Variants in ITPR1 observed in about 807,000 individuals in gnomAD.
ITPR1 encodes the protein inositol 1,4,5-trisphosphate receptor type 1, also known as inositol 1,4,5-trisphosphate-gated calcium channel ITPR1.
A neutral mutation model predicts 318.4 loss-of-function variants in ITPR1; 96 were observed. The observed-to-expected ratio is 0.30, with a 90% CI of 0.26 to 0.36. The LOEUF (loss-of-function observed/expected upper bound fraction) is 0.36. Among genes scored for constraint, ITPR1 ranks in the 10% least tolerant of loss-of-function variants. The pLI is 1.00. For synonymous variants in ITPR1, 1,312 were observed against 1,289.9 expected, an observed-to-expected ratio of 1.02 and a Z score of -0.37; for missense variants, 2,440 against 3,460.2, an observed-to-expected ratio of 0.71 and a Z score of 7.40.
intron 4 of ITPR1, among the ~76,000 whole-genome samples, chr3:4,533,884 C>T (rs1015841757): frequency 6.6e-6 from 1 of 152,190 alleles, no homozygotes; most frequent in African/African-American, 2.4e-5. Flanking sequence ...CAAGCCTAGC[C>T]AGAGAGGAAG....
chr3:4,716,587 C>T (rs140379607), intron 39 of ITPR1, among the ~76,000 whole-genome samples: 1,540 of 152,318 alleles, frequency 0.01, 16 homozygotes, highest in Admixed American at 0.023. Flanking sequence ...ACCAAAGCGT[C>T]TTTGCTCCAG....
At chr3:4,755,304 C>A (rs1206288365) in intron 44 of ITPR1, among the ~76,000 whole-genome samples, 1 of 151,804 alleles carries the variant, frequency 6.6e-6, no homozygotes, top group Non-Finnish European at 1.5e-5. Flanking sequence ...GCAGAGCTTT[C>A]CCAGTAAGTC....
chr3:4,681,249 C>A, intron 25 of ITPR1, 115 bp from the exon 26 acceptor site: 2 of 714,746 alleles, frequency 2.8e-6, no homozygotes, highest in Admixed American at 2.1e-5. Flanking sequence ...ATATAATGTT[C>A]TGGGAGATTT....
At chr3:4,714,549 G>T (rs549030758) in intron 39 of ITPR1, among the ~76,000 whole-genome samples, 51 of 152,312 alleles carry the variant, frequency 3.3e-4, no homozygotes, top group African/African-American at 1.1e-3. Context: ...CCGAGGTCAC[G>T]TGTGAAGTCT....
At chr3:4,633,911 A>G (rs2093095726) in intron 5 of ITPR1, among the ~76,000 whole-genome samples, 1 of 152,224 alleles carries the variant, frequency 6.6e-6, no homozygotes, top group African/African-American at 2.4e-5. Flanking sequence ...ATCGCATTAC[A>G]TGATTCAGAG....
chr3:4,624,458 C>T (rs1487533773), intron 4 of ITPR1, among the ~76,000 whole-genome samples: 1 of 152,058 alleles, frequency 6.6e-6, no homozygotes, highest in Non-Finnish European at 1.5e-5. Context: ...CACTTGAGGT[C>T]AGGAGTTCGA....
intron 34 of ITPR1, 63 bp downstream of exon 34, chr3:4,697,335 T>TGTGC: frequency 1.4e-6 from 2 of 1,398,364 alleles, no homozygotes; most frequent in Non-Finnish European, 9.7e-7. Flanking sequence ...TGTGTGTGTG[T>TGTGC]GTGTGTGTGT....
chr3:4,725,648 T>C, intron 41 of ITPR1, 67 bp downstream of exon 41: 3 of 1,383,612 alleles, frequency 2.2e-6, no homozygotes, highest in African/African-American at 1.4e-5. Context: ...GTTGTCCTGG[T>C]TGGGTGTCTG....
chr3:4,526,200 C>T (rs1450991434), intron 4 of ITPR1, among the ~76,000 whole-genome samples: 1 of 152,110 alleles, frequency 6.6e-6, no homozygotes, highest in Non-Finnish European at 1.5e-5. Context: ...CAGGGAGCCC[C>T]TTAGTTTCAG....
intron 54 of ITPR1, 132 bp downstream of exon 54, chr3:4,800,732 C>G: frequency 1.1e-6 from 1 of 932,768 alleles, no homozygotes; most frequent in East Asian, 2.5e-5. Context: ...GTTTAAATAG[C>G]CAGAAGCAGG....
At chr3:4,608,084 A>G (rs1490991988) in intron 4 of ITPR1, among the ~76,000 whole-genome samples, 2 of 152,156 alleles carry the variant, frequency 1.3e-5, no homozygotes, top group African/African-American at 4.8e-5. Flanking sequence ...AGAAACAGTT[A>G]AGGGCAGTTT....
At chr3:4,834,570 C>T (rs1448756763) in intron 60 of ITPR1, among the ~76,000 whole-genome samples, 1 of 152,158 alleles carries the variant, frequency 6.6e-6, no homozygotes, top group Non-Finnish European at 1.5e-5. Flanking sequence ...CACCAGTGAC[C>T]TGTCGCCTAT....
chr3:4,573,193 A>G (rs1409539878), intron 4 of ITPR1, among the ~76,000 whole-genome samples: 2 of 152,126 alleles, frequency 1.3e-5, no homozygotes, highest in African/African-American at 4.8e-5. Flanking sequence ...GTTTCGTTTT[A>G]TAATCTCGCC....
At chr3:4,721,774 T>A (rs2042180161) in intron 40 of ITPR1, among the ~76,000 whole-genome samples, 1 of 152,200 alleles carries the variant, frequency 6.6e-6, no homozygotes, top group Non-Finnish European at 1.5e-5. Flanking sequence ...AGGGGATTAC[T>A]GCTGAGGGCA....
At chr3:4,598,061 G>T (rs562780894) in intron 4 of ITPR1, among the ~76,000 whole-genome samples, 2 of 152,346 alleles carry the variant, frequency 1.3e-5, no homozygotes, top group African/African-American at 4.8e-5. Flanking sequence ...TTATTGGTTG[G>T]CACATGGCAT....
chr3:4,787,664 C>T (rs558502247), intron 51 of ITPR1, among the ~76,000 whole-genome samples: 1 of 152,198 alleles, frequency 6.6e-6, no homozygotes, highest in East Asian at 1.9e-4. Flanking sequence ...CACCACTGCA[C>T]TCTGTCCTGG....
chr3:4,714,001 C>T (rs722369), intron 39 of ITPR1, among the ~76,000 whole-genome samples: 1 of 152,152 alleles, frequency 6.6e-6, no homozygotes, highest in Non-Finnish European at 1.5e-5. Flanking sequence ...GCTACTTAGC[C>T]ATTCCTATTA....
rs142566502 is a variant in ITPR1 at position 4,610,914 on chromosome 3, T to TCCTTC, written c.164-16831_164-16827dup. Among the ~76,000 whole-genome samples, 536 of 74,436 alleles carry TCCTTC rather than the reference T, an allele frequency of 7.2e-3. 15 individuals are homozygous for TCCTTC. Among genetic ancestry groups the TCCTTC allele is most frequent in the African/African-American group, 0.027 (462 of 16,984 alleles). The allele number at this position is 74,436 out of a possible 152,430, so 48.8% of individuals were successfully genotyped here. On this transcript the variant is annotated intron_variant, in intron 4 of 61. Coordinates refer to ENST00000649015, the MANE Select transcript of ITPR1 (RefSeq NM_001378452.1). ...TTCCCCCTTCCCCCCCTTCTCCTTCTCCTTCCCTTCCCTTCCCTTCCCCTT... is the reference window on the plus strand; with the variant it reads ...TTCCCCCTTCCCCCCCTTCTCCTTCTCCTTCCCTTCCCTTCCCTTCCCTTCCCCTT...
At chr3:4,711,716 T>G in intron 38 of ITPR1, 41 bp from the exon 39 acceptor site, 1 of 1,057,162 alleles carries the variant, frequency 9.5e-7, no homozygotes, top group Non-Finnish European at 1.4e-6. Flanking sequence ...TAATTTAAAA[T>G]TAGCTTCAAG....
Sources: gnomAD v4.1 joint callset for allele counts (sites outside exome capture counted in the v4.1 genomes callset) on GRCh38, gnomAD v4.1.1 for gene constraint, MANE v1.5 for transcripts, NCBI Gene and HGNC (gene_info 2026-07-23, HGNC 2026-07-21) for gene names.